The following PRMT8 variants were observed in gnomAD, a reference collection of about 807,000 sequenced individuals.
The protein encoded by PRMT8 is protein arginine methyltransferase 8.
PRMT8 carries 7 observed loss-of-function variants against 47.1 expected under a neutral mutation model. That is an observed-to-expected ratio of 0.15 (90% CI 0.08 to 0.28). PRMT8 has a LOEUF of 0.28. Among genes scored for constraint, PRMT8 ranks in the 10% least tolerant of loss-of-function variants. PRMT8 has a pLI of 1.00. For synonymous variants in PRMT8, 188 were observed against 186.5 expected, an observed-to-expected ratio of 1.01 and a Z score of -0.07; for missense variants, 237 against 505.4, an observed-to-expected ratio of 0.47 and a Z score of 5.09.
intron 4 of PRMT8, among the ~76,000 whole-genome samples, chr12:3,558,648 G>A (rs1866569397): frequency 6.6e-6 from 1 of 152,172 alleles, no homozygotes; most frequent in Non-Finnish European, 1.5e-5. Flanking sequence ...AAGAGCACAG[G>A]CCAGTGTTTT....
intron 1 of PRMT8, among the ~76,000 whole-genome samples, chr12:3,397,201 CT>C (rs1393502596): frequency 8.6e-5 from 13 of 150,792 alleles, no homozygotes; most frequent in African/African-American, 2.5e-4. Context: ...CTGAAGCCTT[CT>C]TCTCAGCTCG....
At chr12:3,396,535 T>C (rs1304778214) in intron 1 of PRMT8, among the ~76,000 whole-genome samples, 2 of 152,258 alleles carry the variant, frequency 1.3e-5, no homozygotes, top group Non-Finnish European at 2.9e-5. Context: ...ACGTTGAATA[T>C]TGGCCCTCAC....
intron 4 of PRMT8, among the ~76,000 whole-genome samples, chr12:3,568,331 G>A (rs1321378318): frequency 7.0e-6 from 1 of 143,246 alleles, no homozygotes; most frequent in African/African-American, 2.6e-5. Flanking sequence ...GGGGAGGCAG[G>A]CACACTTGGT....
At chr12:3,410,876 G>A (rs898272426) in intron 1 of PRMT8, among the ~76,000 whole-genome samples, 2 of 152,162 alleles carry the variant, frequency 1.3e-5, no homozygotes, top group Non-Finnish European at 2.9e-5. Context: ...GGTAGTAAAA[G>A]CCCTCTAGGC....
At chr12:3,515,754 C>T (rs944180986) in intron 1 of PRMT8, among the ~76,000 whole-genome samples, 2 of 152,214 alleles carry the variant, frequency 1.3e-5, no homozygotes, top group Admixed American at 6.5e-5. Context: ...ACTAGCAGGG[C>T]GGGCCCCATT....
intron 1 of PRMT8, among the ~76,000 whole-genome samples, chr12:3,479,583 A>G (rs1047600318): frequency 1.3e-5 from 2 of 152,020 alleles, no homozygotes; most frequent in Non-Finnish European, 2.9e-5. Context: ...AAAAAAAAAT[A>G]CTCCCCTAAA....
At chr12:3,565,698 GTCTGTCTA>G (rs1002939661) in intron 4 of PRMT8, among the ~76,000 whole-genome samples, 8 of 152,076 alleles carry the variant, frequency 5.3e-5, no homozygotes, top group Admixed American at 3.3e-4. Context: ...CTTCTATATC[GTCTGTCTA>G]TCTATCAATC....
chr12:3,406,223 A>T (rs1365779810), intron 1 of PRMT8, among the ~76,000 whole-genome samples: 1 of 152,222 alleles, frequency 6.6e-6, no homozygotes, highest in Non-Finnish European at 1.5e-5. Flanking sequence ...TTCAGGGGAC[A>T]AGGTTCTGGG....
intron 7 of PRMT8, among the ~76,000 whole-genome samples, chr12:3,582,320 A>C (rs1255307282): frequency 6.6e-6 from 1 of 152,174 alleles, no homozygotes; most frequent in Non-Finnish European, 1.5e-5. Context: ...AAGAGTTATT[A>C]GTTCTTCATG....
chr12:3,582,751 T>C (rs530715256), intron 7 of PRMT8, among the ~76,000 whole-genome samples: 14 of 152,230 alleles, frequency 9.2e-5, no homozygotes, highest in African/African-American at 3.4e-4. Context: ...TAATTAACCC[T>C]CCTGTTCTCT....
In PRMT8 at chr12:3,515,244, T is replaced by G. The variant is rs12317007; in HGVS notation, c.75+23544T>G. On this transcript the variant is annotated intron_variant, in intron 1 of 9. Coordinates refer to ENST00000382622, the MANE Select transcript of PRMT8 (RefSeq NM_019854.5). Reference sequence around the variant, plus strand: ...GCGGCTGCTCATTAGGATTGCTAGCTGCTCACATGTTTTGGATGAATTCAG... The same window carrying G: ...GCGGCTGCTCATTAGGATTGCTAGCGGCTCACATGTTTTGGATGAATTCAG... Among the ~76,000 whole-genome samples, 979 of 152,336 alleles carry G rather than the reference T, an allele frequency of 6.4e-3. 11 individuals are homozygous for G. The highest frequency in any genetic ancestry group is 0.022 in the African/African-American group (929 of 41,572).
intron 1 of PRMT8, among the ~76,000 whole-genome samples, chr12:3,480,589 C>T (rs1387566777): frequency 1.3e-5 from 2 of 152,152 alleles, no homozygotes; most frequent in African/African-American, 4.8e-5. Context: ...CTGAGGTCTC[C>T]AGTAACTTGT....
At chr12:3,560,461 C>T (rs1006183779) in intron 4 of PRMT8, among the ~76,000 whole-genome samples, 12 of 152,170 alleles carry the variant, frequency 7.9e-5, no homozygotes, top group African/African-American at 2.4e-4. Context: ...CCCACACGCG[C>T]GCTTCAGTGA....
At chr12:3,398,297 C>A (rs1019453865) in intron 1 of PRMT8, among the ~76,000 whole-genome samples, 4 of 152,030 alleles carry the variant, frequency 2.6e-5, no homozygotes, top group Non-Finnish European at 5.9e-5. Flanking sequence ...GGTGTGGGGC[C>A]GTTTTCAAAG....
At position 3,491,567 on chromosome 12, in the gene PRMT8, G is replaced by T. The variant is rs1865398259; in HGVS notation, c.-59G>T. The T allele has an allele frequency of 1.3e-6, 2 of 1,554,058 alleles. No homozygotes were observed. The highest frequency in any genetic ancestry group is 8.7e-7 in the Non-Finnish European group (1 of 1,152,054). On this transcript the variant is annotated 5_prime_UTR_variant, in exon 1 of 10. Transcript: ENST00000382622. ...ATCCTCTCGCTCTCTCTTTTAAAGC[G>T]ACACCAGCTCTCTCTCCTCCTCTAC...
chr12:3,436,671 A>G lies in PRMT8; in HGVS notation c.48+55229A>G, dbSNP rs1864745223. ...GCCATAATTGGGTTACGGGGCTGCT[A>G]ATATGATTGTGCTGCCTGGAAATGC... On this transcript the variant is annotated intron_variant, in intron 1 of 9. Coordinates refer to the PRMT8 transcript ENST00000452611. This position sits in a 1 kb window ranked among gnomAD's most constrained non-coding sequence, Gnocchi z 4.2. Among the ~76,000 whole-genome samples, 1 of 152,190 alleles carries G rather than the reference A, an allele frequency of 6.6e-6. No individual in the cohort carries two copies. The highest frequency in any genetic ancestry group is 2.4e-5 in the African/African-American group (1 of 41,452).
At chr12:3,428,682 CT>C (rs1864634591) in intron 1 of PRMT8, among the ~76,000 whole-genome samples, 1 of 151,612 alleles carries the variant, frequency 6.6e-6, no homozygotes, top group Non-Finnish European at 1.5e-5. Context: ...TTCTCTCTTT[CT>C]GTATTTCTTT....
At chr12:3,442,271 T>A (rs922981529) in intron 1 of PRMT8, among the ~76,000 whole-genome samples, 2 of 152,100 alleles carry the variant, frequency 1.3e-5, no homozygotes, top group Non-Finnish European at 2.9e-5. Context: ...GAGCTAACGA[T>A]AGGGTGGCTG....
chr12:3,408,316 C>T (rs1864393396), intron 1 of PRMT8, among the ~76,000 whole-genome samples: 1 of 152,058 alleles, frequency 6.6e-6, no homozygotes, highest in Non-Finnish European at 1.5e-5. Context: ...TCACTGCAAC[C>T]TCCACCTCCA....
Sources: allele counts gnomAD v4.1 joint callset (sites outside exome capture counted in the v4.1 genomes callset), GRCh38; gene constraint gnomAD v4.1.1; non-coding constraint Gnocchi (gnomAD v3.1); transcripts MANE v1.5; gene names NCBI Gene and HGNC (gene_info 2026-07-23, HGNC 2026-07-21).